The following PLSCR2 variants were observed in gnomAD, a reference collection of about 807,000 sequenced individuals.
PLSCR2 encodes phospholipid scramblase 2.
A neutral mutation model predicts 25.3 loss-of-function variants in PLSCR2; 18 were observed. The ratio of observed to expected loss-of-function variants is 0.71; its 90% CI spans 0.49 to 1.06. The LOEUF is 1.06. Among genes scored for constraint, PLSCR2 ranks in the 50% least tolerant of loss-of-function variants. The pLI is 0.00. For missense variants in PLSCR2, 243 were observed against 269.5 expected (o/e 0.90, Z 0.69); for synonymous variants, 88 against 87.3 (o/e 1.01, Z -0.04).
chr3:146,413,103 C>G (rs2038909207), intron 2 of PLSCR2, among the ~76,000 whole-genome samples: 1 of 152,080 alleles, frequency 6.6e-6, no homozygotes, highest in Non-Finnish European at 1.5e-5. Flanking sequence ...TTAACAGAAC[C>G]AAGACAGCCC....
chr3:146,421,465 G>T (rs2039147880), intron 2 of PLSCR2, among the ~76,000 whole-genome samples: 1 of 151,946 alleles, frequency 6.6e-6, no homozygotes, highest in African/African-American at 2.4e-5. Flanking sequence ...CAATGAAAAG[G>T]ACTATAGACA....
intron 2 of PLSCR2, among the ~76,000 whole-genome samples, chr3:146,420,665 TACAA>T (rs1172513723): frequency 3.9e-5 from 6 of 152,036 alleles, no homozygotes; most frequent in Admixed American, 2.0e-4. Context: ...GAACATGAAA[TACAA>T]ACAATTTTTA....
downstream of PLSCR2, among the ~76,000 whole-genome samples, chr3:146,438,449 T>C (rs184717307): frequency 6.6e-6 from 1 of 152,212 alleles, no homozygotes; most frequent in Non-Finnish European, 1.5e-5. Flanking sequence ...TTTATGAATC[T>C]GGATTCTCCT....
intron 1 of PLSCR2, chr3:146,495,850 C>T (rs1219515894): frequency 6.8e-7 from 1 of 1,472,932 alleles, no homozygotes; most frequent in Admixed American, 2.0e-5. Flanking sequence ...TAGAGATCAA[C>T]ATTTGAAGCA....
intron 3 of PLSCR2, among the ~76,000 whole-genome samples, chr3:146,395,566 T>C (rs1277324364): frequency 6.6e-6 from 1 of 152,196 alleles, no homozygotes; most frequent in African/African-American, 2.4e-5. Context: ...AATCATCATG[T>C]TTCTAGGACA....
intron 2 of PLSCR2, among the ~76,000 whole-genome samples, chr3:146,419,535 C>T (rs1410111302): frequency 1.3e-5 from 2 of 152,128 alleles, no homozygotes; most frequent in Non-Finnish European, 2.9e-5. Context: ...CACATCACTA[C>T]ATACTTAGTG....
At chr3:146,406,383 G>C (rs2038659881) in intron 2 of PLSCR2, among the ~76,000 whole-genome samples, 1 of 152,112 alleles carries the variant, frequency 6.6e-6, no homozygotes, top group Non-Finnish European at 1.5e-5. Flanking sequence ...GATACTTCCT[G>C]CTCCTGGGAC....
At position 146,425,892 on chromosome 3, in the gene PLSCR2, G is replaced by A. The variant is rs558042058; in HGVS notation, c.101-29971C>T. Among the ~76,000 whole-genome samples, 421 of 152,176 alleles carry A rather than the reference G, an allele frequency of 2.8e-3. 2 individuals are homozygous for A. Among genetic ancestry groups the A allele is most frequent in the African/African-American group, 9.7e-3 (401 of 41,524 alleles). ...GGCAGAAAGATGAGCTAAATTTTGT[G>A]CTGCATTAAAGCCATCATTTTATTC... On this transcript the variant is annotated intron_variant and NMD_transcript_variant, in intron 2 of 3. Coordinates refer to the PLSCR2 transcript ENST00000463633.
chr3:146,409,484 C>T (rs1480989524), intron 2 of PLSCR2, among the ~76,000 whole-genome samples: 1 of 152,118 alleles, frequency 6.6e-6, no homozygotes, highest in Non-Finnish European at 1.5e-5. Context: ...TGGAGGGGGC[C>T]TTCTGACCAA....
rs377668990 is a variant in PLSCR2, at chr3:146,449,188, T to A, written c.645+18A>T. On this transcript the variant is annotated intron_variant, in intron 6 of 6. Transcript: ENST00000610787. ...TAGAGAAGCCATCTGTCACCAAGAT[T>A]AGCAGGAATAGACTTACAATGAGGA... 134 of 1,586,188 alleles carry A rather than the reference T, an allele frequency of 8.4e-5. No individual in the cohort carries two copies. The highest frequency in any genetic ancestry group is 2.3e-4 in the Admixed American group (13 of 56,836).
At chr3:146,410,912 CA>C (rs949766718) in intron 2 of PLSCR2, among the ~76,000 whole-genome samples, 7 of 152,158 alleles carry the variant, frequency 4.6e-5, no homozygotes, top group African/African-American at 1.7e-4. Context: ...CGGCTCAGAT[CA>C]AGCTATGCCC....
chr3:146,415,247 A>T (rs373461355), intron 2 of PLSCR2: 1 of 152,612 alleles, frequency 6.6e-6, no homozygotes, highest in Admixed American at 6.5e-5. Context: ...CTTAATATTT[A>T]CATTTAGGAT....
At chr3:146,472,429 T>C (rs1035045785) in intron 1 of PLSCR2, among the ~76,000 whole-genome samples, 23 of 152,314 alleles carry the variant, frequency 1.5e-4, no homozygotes, top group African/African-American at 5.3e-4. Context: ...ATAGTCTGGG[T>C]AGCTTATAAA....
At chr3:146,483,508 T>A (rs897538058) in intron 1 of PLSCR2, among the ~76,000 whole-genome samples, 16 of 122,884 alleles carry the variant, frequency 1.3e-4, no homozygotes, top group Non-Finnish European at 1.7e-4. Flanking sequence ...TATATATATA[T>A]AATGTTACTA....
At chr3:146,428,360 C>T (rs1210648039), downstream of PLSCR2, among the ~76,000 whole-genome samples, 1 of 152,050 alleles carries the variant, frequency 6.6e-6, no homozygotes, top group Non-Finnish European at 1.5e-5. Flanking sequence ...GACAAGAGGC[C>T]AGAATCCACA....
rs1012691130 is a variant in PLSCR2 at position 146,469,488 on chromosome 3, C to G, written c.-292-9204G>C. The G allele has an allele frequency of 2.3e-5, 23 of 982,256 alleles. No individual in the cohort carries two copies. Among genetic ancestry groups the G allele is most frequent in the Non-Finnish European group, 2.8e-5 (23 of 827,152 alleles). The allele number at this position is 982,256 out of a possible 1,614,324, so 60.8% of individuals were successfully genotyped here. On this transcript the variant is annotated intron_variant, in intron 1 of 8. Transcript: ENST00000336685. Reference sequence around the variant, plus strand: ...TAGGGAGGCGACTGAGAAAGCCGCCCCCTTACCCGTGGCTGCAGCTGCTCC... The same window carrying G: ...TAGGGAGGCGACTGAGAAAGCCGCCGCCTTACCCGTGGCTGCAGCTGCTCC...
intron 1 of PLSCR2, among the ~76,000 whole-genome samples, chr3:146,487,942 A>C (rs1239156192): frequency 3.3e-5 from 5 of 152,170 alleles, no homozygotes; most frequent in Non-Finnish European, 7.4e-5. Flanking sequence ...GGCTATAGTA[A>C]CCAAAACAGC....
chr3:146,425,397 T>G (rs537679689), intron 2 of PLSCR2, among the ~76,000 whole-genome samples: 12 of 152,134 alleles, frequency 7.9e-5, no homozygotes, highest in Non-Finnish European at 1.6e-4. Flanking sequence ...ACTTAAACCA[T>G]GAAAGGACAT....
chr3:146,408,889 A>G (rs4558726), intron 2 of PLSCR2, among the ~76,000 whole-genome samples: 86,170 of 151,878 alleles, frequency 0.57, 24,925 homozygotes, highest in South Asian at 0.74. Flanking sequence ...GTCTCAGGCC[A>G]GGTGGAGGGA....
Sources: gnomAD v4.1 joint callset for allele counts (sites outside exome capture counted in the v4.1 genomes callset) on GRCh38, gnomAD v4.1.1 for gene constraint, MANE v1.5 for transcripts, NCBI Gene and HGNC (gene_info 2026-07-23, HGNC 2026-07-21) for gene names.